The following FAM120C variants were observed in gnomAD, a reference collection of about 807,000 sequenced individuals.
FAM120C encodes the protein constitutive coactivator of PPAR-gamma-like protein 2.
In FAM120C, 14 loss-of-function variants were observed where a neutral mutation model predicts 71.2. That is an observed-to-expected ratio of 0.20 (90% CI 0.13 to 0.31). FAM120C has a LOEUF of 0.31. Ranked by LOEUF, FAM120C falls within the 10% of genes least tolerant of loss-of-function variation. FAM120C has a pLI of 1.00. For synonymous variants in FAM120C, 354 were observed against 353.2 expected, an observed-to-expected ratio of 1.00 and a Z score of -0.03; for missense variants, 500 against 879.0, an observed-to-expected ratio of 0.57 and a Z score of 5.45.
chrX:54,153,311 GA>G (rs782265803), intron 3 of FAM120C, among the ~76,000 whole-genome samples: 30 of 110,462 alleles, frequency 2.7e-4, no homozygotes, highest in African/African-American at 8.9e-4. Flanking sequence ...AAGAGCAAAA[GA>G]AAGAAAGAGA....
chrX:54,129,600 T>A (rs2067052342), intron 9 of FAM120C, among the ~76,000 whole-genome samples: 1 of 111,519 alleles, frequency 9.0e-6, no homozygotes, highest in Admixed American at 9.4e-5. Context: ...GAGACGCTCC[T>A]CACTTCCCAG....
chrX:54,171,383 G>C (rs1557135915), intron 1 of FAM120C, among the ~76,000 whole-genome samples: 1 of 111,601 alleles, frequency 9.0e-6, no homozygotes, highest in Non-Finnish European at 1.9e-5. Flanking sequence ...CTCCAACCTG[G>C]GCAACAGAGC....
intron 11 of FAM120C, among the ~76,000 whole-genome samples, chrX:54,089,684 G>A (rs782772988): frequency 9.0e-6 from 1 of 111,064 alleles, no homozygotes; most frequent in South Asian, 3.9e-4. Flanking sequence ...AACACTAGCC[G>A]GGCATGGTGG....
chrX:54,140,642 GAAAAAGAA>G (rs1267950278), intron 4 of FAM120C, among the ~76,000 whole-genome samples: 1 of 103,273 alleles, frequency 9.7e-6, no homozygotes, highest in Non-Finnish European at 2.0e-5. Context: ...AAAAAGAAAA[GAAAAAGAA>G]AAAAAGAAAG....
chrX:54,109,773 CG>C (rs1557125382), intron 10 of FAM120C, among the ~76,000 whole-genome samples: 1 of 105,999 alleles, frequency 9.4e-6, no homozygotes, highest in Non-Finnish European at 1.9e-5. Context: ...GCCGAGATCA[CG>C]CCACTGCACT....
At chrX:54,083,433 C>CCACACACACACACACACACACACA (rs781964795) in intron 13 of FAM120C, among the ~76,000 whole-genome samples, 8 of 78,930 alleles carry the variant, frequency 1.0e-4, no homozygotes, top group African/African-American at 3.3e-4. Context: ...GACCCCATCT[C>CCACACACACACACACACACACACA]CACACACACA....
chrX:54,133,689 G>A (rs1603359310), intron 8 of FAM120C, 84 bp downstream of exon 8: 1 of 1,036,436 alleles, frequency 9.6e-7, no homozygotes, highest in East Asian at 3.2e-5. Context: ...CCAGTGACCA[G>A]AATGTTCTCT....
At chrX:54,088,275 A>G (rs782399782) in intron 11 of FAM120C, among the ~76,000 whole-genome samples, 1 of 111,690 alleles carries the variant, frequency 9.0e-6, no homozygotes, top group Non-Finnish European at 1.9e-5. Context: ...ATAAATGGGC[A>G]ATCATATAAA....
intron 4 of FAM120C, among the ~76,000 whole-genome samples, chrX:54,149,981 C>T (rs1159184063): frequency 3.6e-5 from 4 of 112,006 alleles, no homozygotes; most frequent in Non-Finnish European, 5.6e-5. Flanking sequence ...AGAATAAAAT[C>T]CCAGTTGAGC....
At chrX:54,089,827 C>CTG (rs1294770329) in intron 11 of FAM120C, among the ~76,000 whole-genome samples, 1 of 109,870 alleles carries the variant, frequency 9.1e-6, no homozygotes, top group Non-Finnish European at 1.9e-5. Context: ...AGCGTGGTGG[C>CTG]GCATGCCTGT....
At chrX:54,142,579 G>A (rs1248960220) in intron 4 of FAM120C, among the ~76,000 whole-genome samples, 1 of 111,945 alleles carries the variant, frequency 8.9e-6, no homozygotes, top group Admixed American at 9.5e-5. Flanking sequence ...GTAGGTAAAC[G>A]AAGCCACCCA....
intron 10 of FAM120C, among the ~76,000 whole-genome samples, chrX:54,097,779 T>C (rs1232096124): frequency 9.0e-6 from 1 of 111,207 alleles, no homozygotes; most frequent in African/African-American, 3.3e-5. Context: ...CAGGCTGGAG[T>C]GCAGTGGCAC....
chrX:54,084,203 A>G (rs782804859), intron 13 of FAM120C, among the ~76,000 whole-genome samples: 1 of 111,816 alleles, frequency 8.9e-6, no homozygotes, highest in Admixed American at 9.6e-5. Flanking sequence ...TTTGAGACTT[A>G]CAAAATAAAA....
chrX:54,099,101 A>C (rs781784241), intron 10 of FAM120C, among the ~76,000 whole-genome samples: 1 of 98,809 alleles, frequency 1.0e-5, no homozygotes, highest in South Asian at 4.7e-4. Context: ...AACAGCCTCT[A>C]CCTCCTGGGT....
chrX:54,116,609 T>C lies in FAM120C; in HGVS notation c.2248A>G (p.Thr750Ala), dbSNP rs2066969200. 8.3e-7 allele frequency: 1 copy of C among 1,209,885 alleles called. No homozygotes were observed. The highest frequency in any genetic ancestry group is 1.1e-6 in the Non-Finnish European group (1 of 895,182). ...TTAGCTGGATTGAGCATACTGGGCG[T>C]GTCCGACTTCATACAGGCCAGGAAG... ...RAFLACMKSD[T>A]PSMLNPANVP... Residue 750 changes from threonine (T) to alanine (A), a missense_variant, in exon 10 of 16, where the codon ACG (threonine) becomes GCG (alanine). Thr to Ala is a moderately conservative substitution (Grantham distance 58). Around this residue, in one of 11 missense-constraint regions of FAM120C, gnomAD observed 104 missense variants for 254.5 expected, o/e 0.41. Transcript: ENST00000375180.
intron 10 of FAM120C, among the ~76,000 whole-genome samples, chrX:54,103,419 G>A (rs1204825277): frequency 9.0e-6 from 1 of 111,336 alleles, no homozygotes; most frequent in African/African-American, 3.3e-5. Context: ...CCTATCTCAA[G>A]GTCAGCAAAT....
Position 54,132,843 on chromosome X carries a change from T to C in FAM120C, c.1911A>G (p.Val637=), listed in dbSNP as rs2067074923. Residue 637 remains valine (V), a synonymous_variant, in exon 9 of 16, where the codon GTA becomes GTG. Transcript: ENST00000375180. ...VLTKGEIKIP[V]CIEDECNMEL... The stretch of plus-strand genomic sequence containing the variant: ...CCATGTTACACTCATCCTCAATACA[T>C]ACGGGGATCTTAATTTCACCCTAAC... The C allele has an allele frequency of 2.5e-6, 3 of 1,188,120 alleles. No homozygotes were observed. The East Asian group carries it at 9.0e-5, about 35-fold the overall frequency.
At chrX:54,090,372 C>T (rs1423714376) in intron 11 of FAM120C, among the ~76,000 whole-genome samples, 1 of 110,025 alleles carries the variant, frequency 9.1e-6, no homozygotes, top group Non-Finnish European at 1.9e-5. Flanking sequence ...GCTGGGATTA[C>T]AGGTGCCCTG....
intron 1 of FAM120C, among the ~76,000 whole-genome samples, chrX:54,166,853 A>C (rs2067262082): frequency 8.9e-6 from 1 of 111,932 alleles, no homozygotes; most frequent in East Asian, 2.8e-4. Flanking sequence ...AAAGGGGTGG[A>C]ATATTTTTTA....
Sources: gnomAD v4.1 joint callset for allele counts (sites outside exome capture counted in the v4.1 genomes callset) on GRCh38, gnomAD v4.1.1 for gene constraint, gnomAD v4.1.1 regional missense constraint, MANE v1.5 for transcripts, NCBI Gene and HGNC (gene_info 2026-07-23, HGNC 2026-07-21) for gene names.